Variants in ANO6 observed in about 807,000 individuals in gnomAD.
ANO6 encodes the protein anoctamin 6, also known as anoctamin-6.
Under a neutral mutation model 117.5 loss-of-function variants are expected in ANO6, and 106 were observed. That is an observed-to-expected ratio of 0.90 (90% confidence interval 0.77 to 1.06). ANO6 has a LOEUF of 1.06. ANO6 is among the 50% of genes least tolerant of loss of function. ANO6 has a pLI of 0.00. For synonymous variants in ANO6, 367 were observed against 385.1 expected (o/e 0.95, Z 0.55); for missense variants, 955 against 1,121.1 (o/e 0.85, Z 2.12).
rs138396024 is a variant in ANO6, at chr12:45,293,729, G to GTTTTTTTTTTTTT, written c.71-8270_71-8258dup. 5.0e-4 allele frequency among the ~76,000 whole-genome samples: 24 copies of GTTTTTTTTTTTTT among 48,406 alleles called. 3 individuals are homozygous for GTTTTTTTTTTTTT. The highest frequency in any genetic ancestry group is 1.4e-3 in the Admixed American group (4 of 2,896). The allele number at this position is 48,406 out of a possible 152,430, so 31.8% of individuals were successfully genotyped here. A position where few individuals can be genotyped will look rare whatever the true frequency, so the allele number is the denominator to read the frequency against. The stretch of plus-strand genomic sequence containing the variant: ...GTGCCTGCCACCATGCCTGGCTAAT[G>GTTTTTTTTTTTTT]TTTTTTTTTTTTTTTTTTTTTTTTT... On this transcript the variant is annotated intron_variant, in intron 1 of 19. Transcript: ENST00000320560.
chr12:45,409,765 G>GT (rs1445082669), intron 16 of ANO6, among the ~76,000 whole-genome samples: 38 of 151,934 alleles, frequency 2.5e-4, no homozygotes, highest in Admixed American at 5.9e-4. Flanking sequence ...CTTTTTGTTT[G>GT]TTTTTTTTGA....
chr12:45,220,178 C>CA (rs1346917307), intron 1 of ANO6, among the ~76,000 whole-genome samples: 2 of 151,836 alleles, frequency 1.3e-5, no homozygotes, highest in Admixed American at 6.6e-5. Flanking sequence ...AAAGTGGTTC[C>CA]AAAAAAGACT....
intron 2 of ANO6, among the ~76,000 whole-genome samples, chr12:45,330,835 A>G (rs931002895): frequency 3.9e-5 from 6 of 152,094 alleles, no homozygotes; most frequent in African/African-American, 1.4e-4. Context: ...AAGTAAGTCC[A>G]AAAAGAAGTC....
intron 1 of ANO6, among the ~76,000 whole-genome samples, chr12:45,292,313 AGGGGAAGGGGAAAT>A (rs1347125094): frequency 1.3e-5 from 2 of 152,178 alleles, no homozygotes; most frequent in African/African-American, 2.4e-5. Flanking sequence ...ACTGGGGAAA[AGGGGAAGGGGAAAT>A]GGGGAATTCG....
intron 3 of ANO6, among the ~76,000 whole-genome samples, chr12:45,345,002 C>G (rs978669558): frequency 1.3e-5 from 2 of 152,098 alleles, no homozygotes; most frequent in South Asian, 2.1e-4. Context: ...ACCTCAAACT[C>G]TCCTTACCCC....
chr12:45,320,753 A>C (rs140245450), intron 2 of ANO6, among the ~76,000 whole-genome samples: 1,961 of 152,226 alleles, frequency 0.013, 21 homozygotes, highest in Non-Finnish European at 0.018. Context: ...GTGGGTGTCT[A>C]AGTCTCTTTG....
intron 19 of ANO6, among the ~76,000 whole-genome samples, chr12:45,438,311 T>C (rs1434061848): frequency 6.6e-6 from 1 of 152,102 alleles, no homozygotes; most frequent in Non-Finnish European, 1.5e-5. Flanking sequence ...TACACACATA[T>C]ATATTTCATT....
intron 19 of ANO6, among the ~76,000 whole-genome samples, chr12:45,424,331 T>G (rs1475543118): frequency 1.8e-5 from 2 of 109,388 alleles, no homozygotes; most frequent in African/African-American, 3.5e-5. Flanking sequence ...TGATGGGTTT[T>G]TTTTTTTTTT....
intron 8 of ANO6, among the ~76,000 whole-genome samples, chr12:45,365,727 G>A (rs2137501375): frequency 6.6e-6 from 1 of 152,308 alleles, no homozygotes. Context: ...AGATGGGGAT[G>A]GGAATCAGTG....
rs1488283854 is a variant in ANO6, at chr12:45,348,205, A to G, written c.523A>G (p.Ile175Val). The G allele has an allele frequency of 1.9e-6, 3 of 1,614,056 alleles. No individual in the cohort carries two copies. Among genetic ancestry groups the G allele is most frequent in the Non-Finnish European group, 2.5e-6 (3 of 1,179,978 alleles). ...AGTCCTCAGTGTAGACGAAAGCATC[A>G]TCAAGCCAGAGCAAGAGTTTTTCAC... is the stretch of plus-strand genomic sequence containing the variant. Reference protein sequence around the residue: ...TKVLSVDESIIKPEQEFFTAP... With the variant: ...TKVLSVDESIVKPEQEFFTAP... The change falls in exon 5 of 20, where the codon ATC becomes GTC. Residue 175 changes from isoleucine (I) to valine (V), a missense_variant. Physicochemically the swap from Ile to Val is conservative, Grantham distance 29. Transcript: ENST00000320560.
chr12:45,324,056 G>A (rs955868801), intron 2 of ANO6, among the ~76,000 whole-genome samples: 9 of 150,618 alleles, frequency 6.0e-5, no homozygotes, highest in Non-Finnish European at 1.3e-4. Context: ...TCCTGCCTCA[G>A]CCTCCCGAGT....
chr12:45,254,648 T>C (rs1937746662), intron 1 of ANO6, among the ~76,000 whole-genome samples: 2 of 152,372 alleles, frequency 1.3e-5, no homozygotes, highest in South Asian at 2.1e-4. Flanking sequence ...GCTAATCAAA[T>C]GTTTATCACA....
chr12:45,431,972 T>G lies in ANO6; in HGVS notation c.*2661T>G. The G allele has an allele frequency of 2.0e-6, 2 of 985,398 alleles. No homozygotes were observed. The highest frequency in any genetic ancestry group is 2.4e-6 in the Non-Finnish European group (2 of 829,858). The allele number at this position is 985,398 out of a possible 1,614,324, so 61.0% of individuals were successfully genotyped here. On this transcript the variant is annotated 3_prime_UTR_variant, in exon 20 of 20. Transcript: ENST00000320560. ...CTATATATCATTAGAAAGGGAAAGC[T>G]ATCATTTTTATTTTAAAACTAAACA...
intron 1 of ANO6, chr12:45,256,621 C>T (rs1387364223): frequency 6.6e-6 from 1 of 152,100 alleles, no homozygotes; most frequent in Non-Finnish European, 1.5e-5. Context: ...ATATTGTGAC[C>T]TCAGCCACCC....
In ANO6 at chr12:45,416,702, T is replaced by C; in HGVS notation, c.2015T>C (p.Ile672Thr). The change falls in exon 17 of 20, where the codon ATT becomes ACT. Residue 672 changes from isoleucine to threonine, a missense_variant. Physicochemically the swap from Ile to Thr is moderately conservative, Grantham distance 89 (BLOSUM62 -1). Transcript: ENST00000320560. The stretch of plus-strand genomic sequence containing the variant: ...TGTGTGTCCATTCCATTGACAGTTA[T>C]TCAGTTTGGGTTCGTCACCTTATTT... ...GLFYEYLEMI[I>T]QFGFVTLFVA... 7.4e-6 allele frequency: 12 copies of C among 1,614,002 alleles called. No homozygotes were observed. The highest frequency in any genetic ancestry group is 2.2e-5 in the East Asian group (1 of 44,886).
At chr12:45,374,504 C>T (rs1455323229) in intron 9 of ANO6, among the ~76,000 whole-genome samples, 402 of 77,560 alleles carry the variant, frequency 5.2e-3, no homozygotes, top group Non-Finnish European at 7.0e-3. Context: ...GCTTATCCAC[C>T]ATGATCAAGT....
intron 10 of ANO6, among the ~76,000 whole-genome samples, chr12:45,383,592 T>C (rs1942222127): frequency 6.6e-6 from 1 of 152,200 alleles, no homozygotes; most frequent in African/African-American, 2.4e-5. Context: ...AGAACGGATG[T>C]TGTGTTCATA....
chr12:45,320,241 C>A (rs1046784565), intron 2 of ANO6, among the ~76,000 whole-genome samples: 2 of 152,018 alleles, frequency 1.3e-5, no homozygotes, highest in African/African-American at 4.8e-5. Flanking sequence ...TTCCTGCTTT[C>A]TCTTGTGGGC....
At position 45,278,207 on chromosome 12, in the gene ANO6, C is replaced by A. The variant is rs934569230; in HGVS notation, c.71-23807C>A. On this transcript the variant is annotated intron_variant, in intron 1 of 19. Transcript: ENST00000320560. ...CTAGGCCTTAAGTGATCCTCCCCACCTTAGCCCCCAGAGTGCTGGGATTAC... is the reference window on the plus strand; with the variant it reads ...CTAGGCCTTAAGTGATCCTCCCCACATTAGCCCCCAGAGTGCTGGGATTAC... 3.3e-5 allele frequency among the ~76,000 whole-genome samples: 5 copies of A among 152,268 alleles called. No individual in the cohort carries two copies. The South Asian group carries it at 8.3e-4, about 25-fold the overall frequency.
Sources: gnomAD v4.1 joint callset for allele counts (sites outside exome capture counted in the v4.1 genomes callset) on GRCh38, gnomAD v4.1.1 for gene constraint, MANE v1.5 for transcripts, NCBI Gene and HGNC (gene_info 2026-07-23, HGNC 2026-07-21) for gene names.